Variants in DCC observed in about 807,000 individuals in gnomAD.
DCC encodes the protein DCC netrin 1 receptor, also known as netrin receptor DCC.
A neutral mutation model predicts 172.5 loss-of-function variants in DCC; 58 were observed. The observed-to-expected ratio is 0.34, with a 90% confidence interval of 0.27 to 0.42. The LOEUF is 0.42. DCC is among the 10% of genes least tolerant of loss of function. The pLI is 1.00. For missense variants in DCC, 1,740 were observed against 1,791.0 expected (o/e 0.97, Z 0.51); for synonymous variants, 709 against 644.5 (o/e 1.10, Z -1.52).
chr18:53,260,620 G>A (rs897570709), intron 12 of DCC, among the ~76,000 whole-genome samples: 1 of 152,144 alleles, frequency 6.6e-6, no homozygotes, highest in Admixed American at 6.5e-5. Context: ...CCTACTGGGG[G>A]GTGCCTCCCA....
At chr18:53,342,481 T>C (rs2057670715) in intron 15 of DCC, among the ~76,000 whole-genome samples, 1 of 151,736 alleles carries the variant, frequency 6.6e-6, no homozygotes, top group African/African-American at 2.4e-5. Flanking sequence ...AATTTATCTA[T>C]CTTTATATCT....
At chr18:53,235,481 G>A (rs2056188021) in intron 12 of DCC, among the ~76,000 whole-genome samples, 2 of 152,092 alleles carry the variant, frequency 1.3e-5, no homozygotes, top group South Asian at 2.1e-4. Flanking sequence ...TTCCAAGTAA[G>A]CATTCTTTTT....
intron 1 of DCC, among the ~76,000 whole-genome samples, chr18:52,624,379 C>A (rs2034534207): frequency 6.6e-6 from 1 of 152,110 alleles, no homozygotes; most frequent in Admixed American, 6.5e-5. Context: ...GACTCATTAC[C>A]TTCTAAGCTT....
chr18:53,176,581 C>T (rs2055098675), intron 8 of DCC, among the ~76,000 whole-genome samples: 3 of 152,074 alleles, frequency 2.0e-5, no homozygotes, highest in Non-Finnish European at 4.4e-5. Flanking sequence ...TGAAAAAATG[C>T]TCATCATCAC....
intron 21 of DCC, among the ~76,000 whole-genome samples, chr18:53,434,817 T>A (rs1911835726): frequency 6.6e-6 from 1 of 152,122 alleles, no homozygotes; most frequent in African/African-American, 2.4e-5. Flanking sequence ...TCTAAAAGGT[T>A]CAGGAGAATA....
chr18:53,084,223 T>A (rs2042847139), intron 7 of DCC, among the ~76,000 whole-genome samples: 2 of 152,142 alleles, frequency 1.3e-5, no homozygotes, highest in African/African-American at 4.8e-5. Flanking sequence ...AGCTCAGGTG[T>A]TTCTTCCTGT....
intron 25 of DCC, among the ~76,000 whole-genome samples, chr18:53,483,352 T>G (rs2045860772): frequency 1.3e-5 from 2 of 151,906 alleles, no homozygotes; most frequent in Admixed American, 1.3e-4. Context: ...AAACTATGTA[T>G]CCCCTCATAT....
intron 7 of DCC, among the ~76,000 whole-genome samples, chr18:53,134,273 T>C (rs1057415530): frequency 7.4e-4 from 112 of 152,182 alleles, no homozygotes; most frequent in Non-Finnish European, 5.9e-4. Flanking sequence ...CACTTAATTA[T>C]AGTCATTTAA....
intron 16 of DCC, among the ~76,000 whole-genome samples, chr18:53,388,795 T>C (rs575360765): frequency 3.7e-4 from 56 of 152,008 alleles, no homozygotes; most frequent in Non-Finnish European, 7.2e-4. Context: ...TTAAAGTTCA[T>C]TTTTTTTGAG....
chr18:53,443,925 G>A (rs1020692335), intron 22 of DCC, among the ~76,000 whole-genome samples: 3 of 152,322 alleles, frequency 2.0e-5, no homozygotes, highest in Middle Eastern at 3.4e-3. Flanking sequence ...TTGAAGAAGT[G>A]ACTGAACTGC....
At chr18:53,434,701 G>A (rs866402493) in intron 21 of DCC, among the ~76,000 whole-genome samples, 28 of 152,158 alleles carry the variant, frequency 1.8e-4, no homozygotes, top group African/African-American at 6.5e-4. Context: ...GTTATAAGAT[G>A]AAATGTGCTG....
chr18:53,172,119 A>C (rs2055023091), intron 8 of DCC, among the ~76,000 whole-genome samples: 1 of 152,148 alleles, frequency 6.6e-6, no homozygotes, highest in African/African-American at 2.4e-5. Flanking sequence ...GTGCATATAC[A>C]CCATGGAATA....
intron 1 of DCC, among the ~76,000 whole-genome samples, chr18:52,378,029 TGG>T (rs1431328091): frequency 1.4e-4 from 22 of 152,028 alleles, no homozygotes; most frequent in Admixed American, 1.3e-3. Context: ...TTTTTTCCCT[TGG>T]TTTTCTAGGA....
Position 53,277,436 on chromosome 18 carries a change from C to T in DCC, c.1912-28142C>T, listed in dbSNP as rs528945003. ...TGCAAGCACAACCTGAGGATTCCTC[C>T]AGCACTTTCAATGTTACTACTGCTT... On this transcript the variant is annotated intron_variant, in intron 12 of 28. Transcript: ENST00000442544. Among the ~76,000 whole-genome samples, 20 of 152,258 alleles carry T rather than the reference C, an allele frequency of 1.3e-4. 1 individual carries two copies. In the South Asian group the frequency reaches 4.1e-3, roughly 32 times the overall value.
At chr18:52,907,632 T>C (rs537100811) in intron 3 of DCC, among the ~76,000 whole-genome samples, 1 of 152,196 alleles carries the variant, frequency 6.6e-6, no homozygotes, top group East Asian at 1.9e-4. Flanking sequence ...CCCAGGCTGG[T>C]CTCAAACTCC....
chr18:52,775,734 C>T (rs1483340000), intron 2 of DCC, among the ~76,000 whole-genome samples: 2 of 152,226 alleles, frequency 1.3e-5, no homozygotes, highest in African/African-American at 4.8e-5. Flanking sequence ...CGCCGATGTG[C>T]TCCTCTTGAC....
chr18:52,524,712 G>C lies in DCC; in HGVS notation c.91+183834G>C, dbSNP rs1200770436. 2.0e-5 allele frequency among the ~76,000 whole-genome samples: 3 copies of C among 152,152 alleles called. No homozygotes were observed. In the South Asian group the frequency reaches 6.2e-4, roughly 32 times the overall value. Reference sequence around the variant, plus strand: ...GAGCCAAAGGGAGTGCATGAGCTTTGAGTATGCCTGCTGTTCATCCTTATT... The same window carrying C: ...GAGCCAAAGGGAGTGCATGAGCTTTCAGTATGCCTGCTGTTCATCCTTATT... On this transcript the variant is annotated intron_variant, in intron 1 of 28. Coordinates refer to ENST00000442544, the MANE Select transcript of DCC (RefSeq NM_005215.4).
At chr18:53,345,494 T>C (rs565742826) in intron 15 of DCC, among the ~76,000 whole-genome samples, 141 of 152,278 alleles carry the variant, frequency 9.3e-4, no homozygotes, top group Non-Finnish European at 1.6e-3. Flanking sequence ...TATGCAGTCA[T>C]GATTTTTTTT....
At chr18:53,152,182 G>T (rs1258637865) in intron 7 of DCC, among the ~76,000 whole-genome samples, 1 of 152,176 alleles carries the variant, frequency 6.6e-6, no homozygotes, top group Non-Finnish European at 1.5e-5. Flanking sequence ...ATATTTTAGT[G>T]AGCAACATGG....
Sources: gnomAD v4.1 joint callset for allele counts (sites outside exome capture counted in the v4.1 genomes callset) on GRCh38, gnomAD v4.1.1 for gene constraint, MANE v1.5 for transcripts, NCBI Gene and HGNC (gene_info 2026-07-23, HGNC 2026-07-21) for gene names.